Variants in POMT2 observed in about 807,000 individuals in gnomAD.
POMT2 encodes protein O-mannosyl-transferase 2.
A neutral mutation model predicts 100.0 loss-of-function variants in POMT2; 75 were observed. The ratio of observed to expected loss-of-function variants is 0.75; its 90% CI spans 0.62 to 0.91. The LOEUF (loss-of-function observed/expected upper bound fraction) is 0.91, where lower values mean the gene tolerates loss of function less well. POMT2 is among the 40% of genes least tolerant of loss of function. POMT2 has a pLI of 0.00. For synonymous variants in POMT2, 378 were observed against 374.1 expected (o/e 1.01, Z -0.12); for missense variants, 940 against 955.1 (o/e 0.98, Z 0.21).
rs1237046626 is a variant in POMT2, at chr14:77,306,165, TC to T, written c.438+171del. 6.1e-6 allele frequency: 7 copies of T among 1,145,482 alleles called. No individual in the cohort carries two copies. In the African/African-American group the frequency reaches 1.1e-4, roughly 18 times the overall value. The allele number at this position is 1,145,482 out of a possible 1,614,324, so 71.0% of individuals were successfully genotyped here. ...GCCTCCTCTTCCCTTCTTCCTCACCTCAGTTCTGAGTATCTACACCACAGGG... is the reference window on the plus strand; with the variant it reads ...GCCTCCTCTTCCCTTCTTCCTCACCTAGTTCTGAGTATCTACACCACAGGG... On this transcript the variant is annotated intron_variant, in intron 3 of 20. Coordinates refer to ENST00000261534, the MANE Select transcript of POMT2 (RefSeq NM_013382.7).
At chr14:77,311,897 C>T in intron 2 of POMT2, 52 bp downstream of exon 2, 1 of 1,608,054 alleles carries the variant, frequency 6.2e-7, no homozygotes. Context: ...GGCTCCAGCC[C>T]TTAGGAACAA....
intron 2 of POMT2, among the ~76,000 whole-genome samples, chr14:77,308,983 GA>G (rs1217796918): frequency 2.0e-5 from 3 of 152,148 alleles, no homozygotes; most frequent in Non-Finnish European, 4.4e-5. Flanking sequence ...CTACATAATA[GA>G]ATGACACACG....
At chr14:77,301,053 G>A (rs766476475) in intron 6 of POMT2, 37 bp downstream of exon 6, 19 of 1,613,134 alleles carry the variant, frequency 1.2e-5, no homozygotes, top group Admixed American at 3.3e-5. Context: ...ACATCAGGGA[G>A]CAAAAACATT....
At chr14:77,299,076 G>T (rs149875722) in intron 7 of POMT2, among the ~76,000 whole-genome samples, 1 of 152,182 alleles carries the variant, frequency 6.6e-6, no homozygotes, top group South Asian at 2.1e-4. Context: ...TACAAAATGC[G>T]GAACACAGTT....
intron 1 of POMT2, among the ~76,000 whole-genome samples, chr14:77,315,150 G>C (rs953275765): frequency 6.6e-6 from 1 of 152,180 alleles, no homozygotes; most frequent in South Asian, 2.1e-4. Flanking sequence ...TGTCTCATGG[G>C]GGGAAGGATG....
intron 19 of POMT2, 38 bp from the exon 20 acceptor site, chr14:77,278,546 G>T: frequency 6.9e-7 from 1 of 1,443,916 alleles, no homozygotes; most frequent in South Asian, 1.2e-5. Context: ...CAGCCAGGCA[G>T]GGGGTGACTT....
Position 77,320,477 on chromosome 14 carries a change from A to C in POMT2, c.205T>G (p.Phe69Val). Residue 69 changes from phenylalanine to valine, a missense_variant, in exon 1 of 21, where the codon TTC becomes GTC. Phe to Val is a conservative substitution (Grantham distance 50). Transcript: ENST00000261534. ...ALLALVTLLS[F>V]ATRFHRLDEP... ...TCCAAGCGGTGGAAGCGGGTGGCGA[A>C]GGACAGCAGCGTCACCAAGGCCAGC... 6.5e-7 allele frequency: 1 copy of C among 1,545,824 alleles called. No individual in the cohort carries two copies. Among genetic ancestry groups the C allele is most frequent in the East Asian group, 2.4e-5 (1 of 40,994 alleles).
At chr14:77,299,777 C>A in intron 6 of POMT2, 1 of 510,116 alleles carries the variant, frequency 2.0e-6, no homozygotes, top group Non-Finnish European at 3.7e-6. Context: ...TCTGCTACCT[C>A]TCCAGGCTCT....
Position 77,277,241 on chromosome 14 carries a change from G to A in POMT2, c.*135C>T. On this transcript the variant is annotated 3_prime_UTR_variant, in exon 21 of 21. Transcript: ENST00000261534. ...GGGTTCCATTCCAGCTGCACTCCCAGAGCTGGGTCCTGGTGAGCAGCAGAA... is the reference window on the plus strand; with the variant it reads ...GGGTTCCATTCCAGCTGCACTCCCAAAGCTGGGTCCTGGTGAGCAGCAGAA... The A allele has an allele frequency of 1.3e-6, 1 of 761,938 alleles. No individual in the cohort carries two copies. The highest frequency in any genetic ancestry group is 2.7e-5 in the East Asian group (1 of 37,090). 47.2% of individuals were successfully genotyped at this position (761,938 alleles called of 1,614,324 possible).
At chr14:77,309,926 C>T (rs780504538) in intron 2 of POMT2, among the ~76,000 whole-genome samples, 7 of 152,172 alleles carry the variant, frequency 4.6e-5, no homozygotes, top group Admixed American at 6.5e-5. Context: ...GATCTGCCCA[C>T]CTCAGCCTCC....
At position 77,304,672 on chromosome 14, in the gene POMT2, G is replaced by A; in HGVS notation, c.547+20C>T. ...GGCAGCCCATTTCCCAAAAGCCATG[G>A]TATGGCTAAGACAACTTACCAAAGG... On this transcript the variant is annotated intron_variant, in intron 4 of 20. Transcript: ENST00000261534. 1.3e-6 allele frequency: 2 copies of A among 1,566,914 alleles called. No homozygotes were observed. The highest frequency in any genetic ancestry group is 2.3e-5 in the South Asian group (2 of 85,126).
intron 2 of POMT2, among the ~76,000 whole-genome samples, chr14:77,308,359 T>TG (rs998192283): frequency 1.3e-5 from 2 of 148,790 alleles, no homozygotes; most frequent in East Asian, 2.0e-4. Flanking sequence ...TTTTTTTGTT[T>TG]TTTTTTTTTT....
intron 2 of POMT2, among the ~76,000 whole-genome samples, chr14:77,311,002 G>A (rs746299805): frequency 7.2e-5 from 11 of 152,158 alleles, no homozygotes; most frequent in Non-Finnish European, 7.3e-5. Context: ...GCGTGGTGGC[G>A]GGCGCCTGTA....
Position 77,285,029 on chromosome 14 carries a change from C to G in POMT2, c.1497G>C (p.Gln499His), listed in dbSNP as rs141248257. ...GGTATGGGGTGCAAGTAACTTCCAA[C>G]TGCTCCCAGCCCCTGTGAAAAGCAG... ...GKVLPKWGWE[Q>H]LEVTCTPYLK... The change falls in exon 14 of 21, where the codon CAG (glutamine) becomes CAC (histidine). Residue 499 changes from glutamine (Q) to histidine (H), a missense_variant. Coordinates refer to ENST00000261534, the MANE Select transcript of POMT2 (RefSeq NM_013382.7). 7.4e-6 allele frequency: 12 copies of G among 1,611,958 alleles called. No individual in the cohort carries two copies. Among genetic ancestry groups the G allele is most frequent in the African/African-American group, 1.3e-5 (1 of 74,852 alleles).
At chr14:77,311,418 T>G (rs1468450664) in intron 2 of POMT2, among the ~76,000 whole-genome samples, 1 of 152,262 alleles carries the variant, frequency 6.6e-6, no homozygotes, top group Non-Finnish European at 1.5e-5. Context: ...GATTGTGCAA[T>G]CATCACCACT....
rs897215490 is a variant in POMT2 at position 77,320,853 on chromosome 14, G to T, written c.-172C>A. On this transcript the variant is annotated 5_prime_UTR_variant, in exon 1 of 21. Coordinates refer to ENST00000261534, the MANE Select transcript of POMT2 (RefSeq NM_013382.7). ...GGGCGGGGCGGGCAGCGTGGTCGCGGCCCGGGCCGCTAGGAGGCGGCAGGA... is the reference window on the plus strand; with the variant it reads ...GGGCGGGGCGGGCAGCGTGGTCGCGTCCCGGGCCGCTAGGAGGCGGCAGGA... The T allele has an allele frequency of 4.8e-4, 622 of 1,305,350 alleles. No homozygotes were observed. Among genetic ancestry groups the T allele is most frequent in the Non-Finnish European group, 5.4e-4 (553 of 1,017,614 alleles). 80.9% of individuals were successfully genotyped at this position (1,305,350 alleles called of 1,614,324 possible).
intron 5 of POMT2, among the ~76,000 whole-genome samples, chr14:77,301,609 T>C (rs1891046093): frequency 6.6e-6 from 1 of 152,214 alleles, no homozygotes. Flanking sequence ...CCCTCTCCTT[T>C]GTGTCACCTC....
intron 20 of POMT2, 108 bp downstream of exon 20, chr14:77,278,286 A>G: frequency 2.1e-6 from 2 of 940,256 alleles, no homozygotes; most frequent in Non-Finnish European, 3.3e-6. Flanking sequence ...ACCTCCAGGC[A>G]TGGGCACTGG....
rs1379262979 is a variant in POMT2, at chr14:77,311,931, A to G, written c.333+18T>C. 1 of 1,613,876 alleles carries G rather than the reference A, an allele frequency of 6.2e-7. No individual in the cohort carries two copies. ...AATCCTCTGGGACCAGAGAGCTGCT[A>G]TTCACCACACTGCTCACCTTTCCCA... On this transcript the variant is annotated intron_variant, in intron 2 of 20. Transcript: ENST00000261534.
Sources: allele counts gnomAD v4.1 joint callset (sites outside exome capture counted in the v4.1 genomes callset), GRCh38; gene constraint gnomAD v4.1.1; transcripts MANE v1.5; gene names NCBI Gene and HGNC (gene_info 2026-07-23, HGNC 2026-07-21).